RGS6: variants seen among roughly 807,000 people sequenced by gnomAD.
RGS6 encodes regulator of G protein signaling 6.
A neutral mutation model predicts 78.5 loss-of-function variants in RGS6; 30 were observed. That is an observed-to-expected ratio of 0.38 (90% CI 0.29 to 0.52). The LOEUF (loss-of-function observed/expected upper bound fraction) is 0.52. Among genes scored for constraint, RGS6 ranks in the 20% least tolerant of loss-of-function variants. The probability of loss-of-function intolerance (pLI) is 0.85; values close to 1 mark genes in which losing one functional copy is unlikely to be tolerated. For synonymous variants in RGS6, 206 were observed against 206.0 expected (o/e 1.00, Z 0.00); for missense variants, 495 against 609.7 (o/e 0.81, Z 1.98).
intron 17 of RGS6, among the ~76,000 whole-genome samples, chr14:72,560,219 G>A (rs1184850742): frequency 6.6e-6 from 1 of 152,206 alleles, no homozygotes; most frequent in African/African-American, 2.4e-5. Flanking sequence ...TGGCGAAGGA[G>A]GGATGGGAGG....
chr14:72,236,131 T>A (rs1292640309), intron 2 of RGS6, among the ~76,000 whole-genome samples: 1 of 152,098 alleles, frequency 6.6e-6, no homozygotes, highest in East Asian at 1.9e-4. Context: ...GGAAGGAGGG[T>A]GGTCAGGGAT....
At chr14:72,220,855 G>A (rs146053747) in intron 2 of RGS6, among the ~76,000 whole-genome samples, 2 of 152,288 alleles carry the variant, frequency 1.3e-5, no homozygotes, top group African/African-American at 2.4e-5. Flanking sequence ...GATTGGCTGT[G>A]TTTCTTAAGT....
Position 71,985,412 on chromosome 14 carries a change from G to A in RGS6, c.84+20537G>A, listed in dbSNP as rs370152492. The stretch of plus-strand genomic sequence containing the variant: ...GCGGGGATTACAGCTGTGAGCCACC[G>A]CACCTGGCTATCATAGTTTTAAAGG... On this transcript the variant is annotated intron_variant, in intron 2 of 17. Transcript: ENST00000553525. Among the ~76,000 whole-genome samples, 58 of 152,246 alleles carry A rather than the reference G, an allele frequency of 3.8e-4. No individual in the cohort carries two copies. The East Asian group carries it at 8.1e-3, about 21-fold the overall frequency.
At chr14:72,532,605 G>T (rs2097196762) in intron 15 of RGS6, among the ~76,000 whole-genome samples, 1 of 152,234 alleles carries the variant, frequency 6.6e-6, no homozygotes, top group Non-Finnish European at 1.5e-5. Flanking sequence ...GCCTAGGTGT[G>T]AATACAAAGA....
At chr14:72,582,311 C>G in the RGS6 span, among the ~76,000 whole-genome samples, 3 of 152,146 alleles carry the variant, frequency 2.0e-5, no homozygotes, top group African/African-American at 7.2e-5. Context: ...ACCTATCTCC[C>G]CCGCCTGCTT....
chr14:72,474,772 A>ACTAG, intron 10 of RGS6, 73 bp downstream of exon 10: 2 of 1,207,526 alleles, frequency 1.7e-6, no homozygotes, highest in Non-Finnish European at 1.2e-6. Context: ...TTCAAATAGT[A>ACTAG]ATTTGCTACT....
chr14:71,992,599 C>T (rs571335387), intron 2 of RGS6, among the ~76,000 whole-genome samples: 1 of 152,196 alleles, frequency 6.6e-6, no homozygotes, highest in East Asian at 1.9e-4. Flanking sequence ...ATAGAAAACT[C>T]AAAATTTAAA....
intron 2 of RGS6, among the ~76,000 whole-genome samples, chr14:72,038,418 C>T (rs1042707837): frequency 2.6e-5 from 4 of 152,138 alleles, no homozygotes; most frequent in Non-Finnish European, 4.4e-5. Context: ...CACCTTAGTT[C>T]TACCTACAAA....
In RGS6 at chr14:72,476,788, A is replaced by C. The variant is rs1409073050; in HGVS notation, c.740A>C (p.His247Pro). 6.2e-7 allele frequency: 1 copy of C among 1,614,084 alleles called. No homozygotes were observed. The highest frequency in any genetic ancestry group is 1.7e-5 in the Admixed American group (1 of 60,014). ...TEESQAQSPV[H>P]VLSQPIRKTT... ...GAGTCCCAGGCACAGAGCCCGGTGC[A>C]TGTACTCAGCCAACCAATCAGGAAA... The change falls in exon 11 of 18, where the codon CAT becomes CCT. Residue 247 changes from histidine to proline, a missense_variant. Transcript: ENST00000553525.
chr14:72,547,322 A>G, intron 17 of RGS6: 1 of 1,535,656 alleles, frequency 6.5e-7, no homozygotes, highest in Non-Finnish European at 8.7e-7. Context: ...GAAAGTTCAA[A>G]GAGAAGTCAG....
intron 3 of RGS6, among the ~76,000 whole-genome samples, chr14:72,383,213 T>TATATATACACAC (rs1387301746): frequency 6.8e-5 from 8 of 118,336 alleles, no homozygotes; most frequent in East Asian, 2.3e-4. Context: ...TATATATATA[T>TATATATACACAC]ACACACAAAC....
chr14:71,898,610 A>G, the RGS6 span, among the ~76,000 whole-genome samples: 1 of 152,140 alleles, frequency 6.6e-6, no homozygotes, highest in Non-Finnish European at 1.5e-5. Context: ...TCAACCCATC[A>G]TCCAGGTTTT....
chr14:72,545,021 G>A lies in RGS6; in HGVS notation c.1422+4927G>A, dbSNP rs2097373774. Among the ~76,000 whole-genome samples, 6 of 152,236 alleles carry A rather than the reference G, an allele frequency of 3.9e-5. No homozygotes were observed. In the South Asian group the frequency reaches 1.2e-3, roughly 31 times the overall value. On this transcript the variant is annotated intron_variant, in intron 17 of 17. Coordinates refer to ENST00000553525, the MANE Select transcript of RGS6 (RefSeq NM_001204424.2). ...TCCCCTCCTCCTCAAGGTTTCATGGGGAACAGCCTTGCACCCTGGTGGAAT... is the reference window on the plus strand; with the variant it reads ...TCCCCTCCTCCTCAAGGTTTCATGGAGAACAGCCTTGCACCCTGGTGGAAT...
intron 2 of RGS6, among the ~76,000 whole-genome samples, chr14:72,316,896 AGTGTGTGTGTGTGTGT>A (rs71109731): frequency 7.1e-6 from 1 of 141,816 alleles, no homozygotes; most frequent in Non-Finnish European, 1.5e-5. Context: ...AAGCAGGTGA[AGTGTGTGTGTGTGTGT>A]GTGTGTGTGT....
At chr14:72,021,146 T>C (rs2088372020) in intron 2 of RGS6, among the ~76,000 whole-genome samples, 1 of 152,318 alleles carries the variant, frequency 6.6e-6, no homozygotes, top group Non-Finnish European at 1.5e-5. Context: ...GATCCTTCTC[T>C]TCACTTTTCT....
chr14:72,339,050 G>A (rs1378417917), intron 2 of RGS6, among the ~76,000 whole-genome samples: 2 of 152,132 alleles, frequency 1.3e-5, no homozygotes, highest in South Asian at 2.1e-4. Flanking sequence ...ATGGATATTA[G>A]AGATATTTTG....
chr14:71,923,629 G>A, the RGS6 span, among the ~76,000 whole-genome samples: 1 of 152,080 alleles, frequency 6.6e-6, no homozygotes, highest in Non-Finnish European at 1.5e-5. Context: ...CTGCTGATAC[G>A]TGCAACATCA....
At chr14:71,972,651 C>T (rs936699369) in intron 2 of RGS6, among the ~76,000 whole-genome samples, 6 of 151,718 alleles carry the variant, frequency 4.0e-5, no homozygotes, top group African/African-American at 1.5e-4. Flanking sequence ...TGGAAGGGTT[C>T]GGTGTGGAGG....
intron 3 of RGS6, among the ~76,000 whole-genome samples, chr14:72,353,575 G>A (rs1234753100): frequency 6.6e-6 from 1 of 152,232 alleles, no homozygotes; most frequent in South Asian, 2.1e-4. Context: ...TGCAGGGCGA[G>A]TGTGACTGCA....
Sources: allele counts gnomAD v4.1 joint callset (sites outside exome capture counted in the v4.1 genomes callset), GRCh38; gene constraint gnomAD v4.1.1; transcripts MANE v1.5; gene names NCBI Gene and HGNC (gene_info 2026-07-23, HGNC 2026-07-21).